Variants in RBMS1 observed in about 807,000 individuals in gnomAD.
RBMS1 encodes the protein RNA binding motif single stranded interacting protein 1, also known as RNA-binding motif, single-stranded-interacting protein 1.
Under a neutral mutation model 62.3 loss-of-function variants are expected in RBMS1, and 17 were observed. The observed-to-expected ratio is 0.27, with a 90% CI of 0.19 to 0.41. RBMS1 has a LOEUF of 0.41. Among genes scored for constraint, RBMS1 ranks in the 10% least tolerant of loss-of-function variants. The pLI is 1.00. For missense variants in RBMS1, 334 were observed against 504.5 expected (o/e 0.66, Z 3.24); for synonymous variants, 172 against 170.0 (o/e 1.01, Z -0.09).
At chr2:160,450,362 G>A (rs1389558469) in intron 1 of RBMS1, among the ~76,000 whole-genome samples, 2 of 151,924 alleles carry the variant, frequency 1.3e-5, no homozygotes, top group African/African-American at 4.8e-5. Flanking sequence ...CCAACATGGT[G>A]AAACCCCATC....
intron 1 of RBMS1, among the ~76,000 whole-genome samples, chr2:160,382,096 T>G (rs1559477681): frequency 6.6e-6 from 1 of 152,176 alleles, no homozygotes. Flanking sequence ...AAGCTTTATG[T>G]GTTTGGTGAA....
intron 1 of RBMS1, among the ~76,000 whole-genome samples, chr2:160,393,867 T>A (rs1485085191): frequency 6.6e-6 from 1 of 152,140 alleles, no homozygotes; most frequent in East Asian, 1.9e-4. Context: ...GTTCTAGTCC[T>A]GGTTTTGTTA....
At chr2:160,313,523 G>A (rs572358306) in intron 3 of RBMS1, among the ~76,000 whole-genome samples, 1 of 151,706 alleles carries the variant, frequency 6.6e-6, no homozygotes, top group African/African-American at 2.4e-5. Flanking sequence ...TTACTGGTGG[G>A]GGGGAGACAT....
chr2:160,417,948 A>G (rs1211817330), intron 1 of RBMS1, among the ~76,000 whole-genome samples: 1 of 152,182 alleles, frequency 6.6e-6, no homozygotes, highest in Non-Finnish European at 1.5e-5. Context: ...TCAGAATGAG[A>G]AACTTCACCC....
chr2:160,367,870 A>G (rs973673052), intron 1 of RBMS1, among the ~76,000 whole-genome samples: 1 of 152,216 alleles, frequency 6.6e-6, no homozygotes, highest in African/African-American at 2.4e-5. Context: ...AGATACTCCA[A>G]TAAGGACGAT....
At chr2:160,327,136 A>G (rs1056712937) in intron 2 of RBMS1, among the ~76,000 whole-genome samples, 1 of 152,232 alleles carries the variant, frequency 6.6e-6, no homozygotes, top group Non-Finnish European at 1.5e-5. Flanking sequence ...CATTTTTTCA[A>G]GAGAAGATAC....
At chr2:160,448,841 G>C (rs1683801240) in intron 1 of RBMS1, among the ~76,000 whole-genome samples, 1 of 151,980 alleles carries the variant, frequency 6.6e-6, no homozygotes, top group Admixed American at 6.6e-5. Context: ...TCCTGTCTAG[G>C]AAGTGAGGAG....
intron 1 of RBMS1, among the ~76,000 whole-genome samples, chr2:160,429,379 C>CAT: frequency 1.3e-5 from 2 of 152,274 alleles, no homozygotes; most frequent in South Asian, 4.1e-4. Flanking sequence ...TGTTGTTATA[C>CAT]ATGTCAGCCA....
intron 1 of RBMS1, among the ~76,000 whole-genome samples, chr2:160,431,009 G>A (rs769880426): frequency 1.3e-5 from 2 of 151,026 alleles, no homozygotes; most frequent in African/African-American, 2.4e-5. Flanking sequence ...TGGACATGAC[G>A]GTCCCAGCAA....
intron 1 of RBMS1, among the ~76,000 whole-genome samples, chr2:160,475,157 G>A (rs1023455833): frequency 1.3e-5 from 2 of 152,152 alleles, no homozygotes; most frequent in Non-Finnish European, 1.5e-5. Flanking sequence ...AAAGGCAATG[G>A]GTAGCCATGT....
At chr2:160,390,328 C>T (rs986971650) in intron 1 of RBMS1, among the ~76,000 whole-genome samples, 3 of 152,102 alleles carry the variant, frequency 2.0e-5, no homozygotes, top group East Asian at 1.9e-4. Flanking sequence ...GAAGATAGGA[C>T]GCTGTAGTTC....
Position 160,327,343 on chromosome 2 carries a change from A to G in RBMS1, c.252-9116T>C, listed in dbSNP as rs76032298. Among the ~76,000 whole-genome samples the G allele has an allele frequency of 3.3e-5, 5 of 152,310 alleles. No individual in the cohort carries two copies. The East Asian group carries it at 9.6e-4, about 29-fold the overall frequency. On this transcript the variant is annotated intron_variant, in intron 2 of 13. Coordinates refer to ENST00000348849, the MANE Select transcript of RBMS1 (RefSeq NM_016836.4). ...ATTATAAATAGTATATGAAGGTAAC[A>G]ATTGATGCTGTTTACTGTATGTATA... is the stretch of plus-strand genomic sequence containing the variant.
chr2:160,475,614 C>T (rs1685090977), intron 1 of RBMS1, among the ~76,000 whole-genome samples: 1 of 152,160 alleles, frequency 6.6e-6, no homozygotes, highest in Admixed American at 6.5e-5. Flanking sequence ...TGTAAACATT[C>T]CTTAAATACC....
chr2:160,487,055 G>T (rs1036764340), intron 1 of RBMS1, among the ~76,000 whole-genome samples: 3 of 152,006 alleles, frequency 2.0e-5, no homozygotes, highest in East Asian at 3.8e-4. Flanking sequence ...TAAATTAATT[G>T]AATATGAAAC....
intron 1 of RBMS1, among the ~76,000 whole-genome samples, chr2:160,444,542 G>A (rs575919353): frequency 2.0e-5 from 3 of 152,212 alleles, no homozygotes; most frequent in South Asian, 2.1e-4. Flanking sequence ...ACAGAAAACC[G>A]AGAAACAAAA....
At chr2:160,284,723 G>T in intron 9 of RBMS1, 52 bp downstream of exon 9, 1 of 1,315,724 alleles carries the variant, frequency 7.6e-7, no homozygotes, top group South Asian at 1.2e-5. Context: ...ATGTAGCAGA[G>T]ATTCATGGTC....
intron 1 of RBMS1, among the ~76,000 whole-genome samples, chr2:160,383,722 G>C (rs778319235): frequency 6.6e-6 from 1 of 151,978 alleles, no homozygotes; most frequent in African/African-American, 2.4e-5. Flanking sequence ...GTGGTATAGC[G>C]AGCTATGTAA....
intron 1 of RBMS1, among the ~76,000 whole-genome samples, chr2:160,376,330 GC>G (rs1217321947): frequency 1.3e-5 from 2 of 152,120 alleles, no homozygotes; most frequent in African/African-American, 4.8e-5. Context: ...TCACAATTTA[GC>G]CCCTAGAGAA....
chr2:160,407,813 C>G, intron 1 of RBMS1: 8 of 981,314 alleles, frequency 8.2e-6, no homozygotes, highest in Non-Finnish European at 9.7e-6. Context: ...GGAGTTCGCG[C>G]GCGGAGCTGG....
Sources: gnomAD v4.1 joint callset for allele counts (sites outside exome capture counted in the v4.1 genomes callset) on GRCh38, gnomAD v4.1.1 for gene constraint, MANE v1.5 for transcripts, NCBI Gene and HGNC (gene_info 2026-07-23, HGNC 2026-07-21) for gene names.